Variants in MPHOSPH9 observed in about 807,000 individuals in gnomAD.
MPHOSPH9 encodes the protein M-phase phosphoprotein 9.
MPHOSPH9 carries 88 observed loss-of-function variants against 145.5 expected under a neutral mutation model. The ratio of observed to expected loss-of-function variants is 0.60; its 90% CI spans 0.51 to 0.72. The LOEUF (loss-of-function observed/expected upper bound fraction) is 0.72, where lower values mean the gene tolerates loss of function less well. Among genes scored for constraint, MPHOSPH9 ranks in the 30% least tolerant of loss-of-function variants. The probability of loss-of-function intolerance (pLI) is 0.00; values close to 1 mark genes in which losing one functional copy is unlikely to be tolerated. For synonymous variants in MPHOSPH9, 435 were observed against 486.2 expected (o/e 0.89, Z 1.39); for missense variants, 1,238 against 1,386.6 (o/e 0.89, Z 1.70).
At chr12:123,160,499 A>C in intron 23 of MPHOSPH9, 1 of 350,362 alleles carries the variant, frequency 2.9e-6, no homozygotes, top group Non-Finnish European at 5.2e-6. Flanking sequence ...AATCTGTTGA[A>C]AAGCATATTG....
At chr12:123,174,735 T>A (rs565327242) in intron 16 of MPHOSPH9, among the ~76,000 whole-genome samples, 16 of 152,174 alleles carry the variant, frequency 1.1e-4, no homozygotes, top group Non-Finnish European at 2.4e-4. Context: ...CATTTATAAT[T>A]GCCTATTTGA....
chr12:123,214,699 T>G (rs773637618), intron 7 of MPHOSPH9, 45 bp downstream of exon 7: 2 of 1,426,000 alleles, frequency 1.4e-6, no homozygotes, highest in Non-Finnish European at 2.0e-6. Flanking sequence ...TTCCTCTGAG[T>G]GTATGTAGTT....
Position 123,229,861 on chromosome 12 carries a change from G to A in MPHOSPH9, c.104+400C>T, listed in dbSNP as rs1270733725. 7.3e-4 allele frequency among the ~76,000 whole-genome samples: 99 copies of A among 134,994 alleles called. 1 individual carries two copies. Among genetic ancestry groups the A allele is most frequent in the Non-Finnish European group, 2.2e-4 (14 of 65,054 alleles). 88.6% of individuals were successfully genotyped at this position (134,994 alleles called of 152,430 possible). On this transcript the variant is annotated intron_variant, in intron 2 of 23. Coordinates refer to ENST00000606320, the MANE Select transcript of MPHOSPH9 (RefSeq NM_022782.4). ...TTTTGAGACAGAGTGTCGCTCTGTC[G>A]CCCAGGCTGGAGTGCAGTGGCGCAA...
chr12:123,191,975 G>C (rs1022277010), intron 13 of MPHOSPH9, among the ~76,000 whole-genome samples: 12 of 152,070 alleles, frequency 7.9e-5, no homozygotes, highest in African/African-American at 2.9e-4. Flanking sequence ...CTTACTCCAG[G>C]CTGGGCAACA....
At chr12:123,222,950 GTGTA>G in intron 4 of MPHOSPH9, 84 bp downstream of exon 4, 1 of 743,242 alleles carries the variant, frequency 1.3e-6, no homozygotes, top group Non-Finnish European at 2.0e-6. Context: ...ATATGTGTGT[GTGTA>G]TATATATATG....
At chr12:123,211,007 CAG>C (rs1384011333) in intron 7 of MPHOSPH9, among the ~76,000 whole-genome samples, 1 of 103,364 alleles carries the variant, frequency 9.7e-6, no homozygotes, top group Non-Finnish European at 1.8e-5. Flanking sequence ...TTTTTTGAGA[CAG>C]AGTCTCACTC....
intron 16 of MPHOSPH9, among the ~76,000 whole-genome samples, chr12:123,172,814 T>C (rs948089908): frequency 4.0e-5 from 6 of 151,406 alleles, no homozygotes; most frequent in African/African-American, 1.2e-4. Context: ...GTGTCATGCT[T>C]GAGTGTATGA....
chr12:123,243,170 A>C (rs879816130), intron 1 of MPHOSPH9, among the ~76,000 whole-genome samples: 4 of 151,938 alleles, frequency 2.6e-5, no homozygotes, highest in Admixed American at 2.6e-4. Flanking sequence ...TCCTTGGCAC[A>C]CTCCATTTCA....
At chr12:123,232,283 T>C (rs1593260526) in intron 1 of MPHOSPH9, among the ~76,000 whole-genome samples, 1 of 151,800 alleles carries the variant, frequency 6.6e-6, no homozygotes, top group Non-Finnish European at 1.5e-5. Context: ...CCACTAGAAA[T>C]TCAAAGATGC....
chr12:123,192,855 G>A (rs574165701), intron 13 of MPHOSPH9, among the ~76,000 whole-genome samples: 6 of 151,040 alleles, frequency 4.0e-5, no homozygotes, highest in African/African-American at 7.3e-5. Context: ...TCAGGTGGGC[G>A]GATCAAGAGG....
chr12:123,198,962 TGGATTTG>T (rs1215801796), intron 11 of MPHOSPH9, among the ~76,000 whole-genome samples: 1 of 151,884 alleles, frequency 6.6e-6, no homozygotes, highest in Non-Finnish European at 1.5e-5. Flanking sequence ...AAATTAAATT[TGGATTTG>T]GGATTTGGGA....
chr12:123,171,096 T>A (rs2044557223), intron 16 of MPHOSPH9, among the ~76,000 whole-genome samples: 1 of 152,212 alleles, frequency 6.6e-6, no homozygotes, highest in African/African-American at 2.4e-5. Flanking sequence ...TATTGATTTG[T>A]AAGAGTTCTT....
chr12:123,167,066 C>G (rs1006107111), intron 16 of MPHOSPH9, among the ~76,000 whole-genome samples: 1 of 152,128 alleles, frequency 6.6e-6, no homozygotes, highest in African/African-American at 2.4e-5. Flanking sequence ...CATTTCACAC[C>G]CTTTACACTC....
At chr12:123,217,631 T>C (rs1039236136) in intron 6 of MPHOSPH9, among the ~76,000 whole-genome samples, 1 of 152,230 alleles carries the variant, frequency 6.6e-6, no homozygotes, top group African/African-American at 2.4e-5. Flanking sequence ...AAATAGGACC[T>C]CTGCAAATGA....
At chr12:123,221,175 G>A (rs1218536097) in intron 5 of MPHOSPH9, among the ~76,000 whole-genome samples, 197 bp downstream of exon 5, 1 of 152,186 alleles carries the variant, frequency 6.6e-6, no homozygotes, top group African/African-American at 2.4e-5. Flanking sequence ...GACCTTAAGA[G>A]TTTAGTAGTC....
At chr12:123,170,274 C>T (rs2044520448) in intron 16 of MPHOSPH9, among the ~76,000 whole-genome samples, 1 of 152,082 alleles carries the variant, frequency 6.6e-6, no homozygotes, top group South Asian at 2.1e-4. Context: ...CTGTGAGTAG[C>T]TGGGATGACA....
At chr12:123,182,473 T>C (rs2045227397) in intron 13 of MPHOSPH9, among the ~76,000 whole-genome samples, 1 of 150,628 alleles carries the variant, frequency 6.6e-6, no homozygotes, top group African/African-American at 2.4e-5. Flanking sequence ...CTCAAACTCC[T>C]GACCTCAAGT....
rs567848622 is a variant in MPHOSPH9, at chr12:123,157,395, T to A, written c.3451-487A>T. Reference sequence around the variant, plus strand: ...AGGATACTTTTCTTAAAAAAAAAAATAGATTTCACAATGAATTAACAATTG... The same window carrying A: ...AGGATACTTTTCTTAAAAAAAAAAAAAGATTTCACAATGAATTAACAATTG... On this transcript the variant is annotated intron_variant, in intron 23 of 23. Coordinates refer to ENST00000606320, the MANE Select transcript of MPHOSPH9 (RefSeq NM_022782.4). Among the ~76,000 whole-genome samples the A allele has an allele frequency of 9.1e-4, 125 of 137,616 alleles. 1 individual carries two copies. Among genetic ancestry groups the A allele is most frequent in the African/African-American group, 3.3e-3 (122 of 37,232 alleles). The allele number at this position is 137,616 out of a possible 152,430, so 90.3% of individuals were successfully genotyped here.
chr12:123,190,966 A>G (rs983429111), intron 13 of MPHOSPH9, among the ~76,000 whole-genome samples: 2 of 152,180 alleles, frequency 1.3e-5, no homozygotes, highest in African/African-American at 4.8e-5. Context: ...CATTCTAGCT[A>G]TCCTTTGCTG....
Sources: allele counts gnomAD v4.1 joint callset (sites outside exome capture counted in the v4.1 genomes callset), GRCh38; gene constraint gnomAD v4.1.1; transcripts MANE v1.5; gene names NCBI Gene and HGNC (gene_info 2026-07-23, HGNC 2026-07-21).